Variants in MDGA2 observed in about 807,000 individuals in gnomAD.
MDGA2 encodes MAM domain-containing glycosylphosphatidylinositol anchor protein 2.
In MDGA2, 40 loss-of-function variants were observed where a neutral mutation model predicts 117.8. That is an observed-to-expected ratio of 0.34 (90% CI 0.26 to 0.44). MDGA2 has a LOEUF of 0.44. Among genes scored for constraint, MDGA2 ranks in the 20% least tolerant of loss-of-function variants. MDGA2 has a pLI of 1.00. For synonymous variants in MDGA2, 452 were observed against 439.0 expected, an observed-to-expected ratio of 1.03 and a Z score of -0.37; for missense variants, 1,123 against 1,250.6, an observed-to-expected ratio of 0.90 and a Z score of 1.54.
intron 1 of MDGA2, among the ~76,000 whole-genome samples, chr14:47,546,127 CAGA>C (rs1895458206): frequency 6.6e-6 from 1 of 152,020 alleles, no homozygotes; most frequent in Non-Finnish European, 1.5e-5. Context: ...TATGATAATT[CAGA>C]AGAAGAGAAG....
At chr14:46,976,789 A>C (rs899992386) in intron 8 of MDGA2, among the ~76,000 whole-genome samples, 1 of 151,842 alleles carries the variant, frequency 6.6e-6, no homozygotes, top group Non-Finnish European at 1.5e-5. Context: ...ATTCTTCTAG[A>C]ATTGAGTCTT....
At chr14:47,453,984 T>C (rs1893293390) in intron 1 of MDGA2, among the ~76,000 whole-genome samples, 2 of 152,144 alleles carry the variant, frequency 1.3e-5, no homozygotes, top group Non-Finnish European at 2.9e-5. Flanking sequence ...TAGATGAACA[T>C]GTTAAAAGAT....
At position 46,884,785 on chromosome 14, in the gene MDGA2, A is replaced by G. The variant is rs188571058; in HGVS notation, c.2239-2564T>C. 3.9e-5 allele frequency among the ~76,000 whole-genome samples: 6 copies of G among 152,238 alleles called. No individual in the cohort carries two copies. The highest frequency in any genetic ancestry group is 9.6e-5 in the African/African-American group (4 of 41,560). On this transcript the variant is annotated intron_variant, in intron 10 of 16. Coordinates refer to ENST00000399232, the MANE Select transcript of MDGA2 (RefSeq NM_001113498.3). This position sits in a 1 kb window ranked among gnomAD's most constrained non-coding sequence, Gnocchi z 4.1. ...TAAACAATTAAATTTAAAACATACA[A>G]TTTAAATCAGTTAGGAAAAATACAG...
chr14:47,347,113 A>C (rs1290695025), intron 1 of MDGA2, among the ~76,000 whole-genome samples: 1 of 152,218 alleles, frequency 6.6e-6, no homozygotes, highest in Non-Finnish European at 1.5e-5. Context: ...AGACGTAAGT[A>C]GGGGACCAAC....
chr14:47,345,042 A>C (rs1418711082), intron 1 of MDGA2, among the ~76,000 whole-genome samples: 2 of 152,178 alleles, frequency 1.3e-5, no homozygotes, highest in African/African-American at 4.8e-5. Flanking sequence ...AATGAAAATG[A>C]AAAATAAATG....
rs767529726 is a variant in MDGA2, at chr14:46,884,539, A to G, written c.2239-2318T>C. Among the ~76,000 whole-genome samples, 1 of 152,206 alleles carries G rather than the reference A, an allele frequency of 6.6e-6. No homozygotes were observed. Among genetic ancestry groups the G allele is most frequent in the Non-Finnish European group, 1.5e-5 (1 of 68,030 alleles). On this transcript the variant is annotated intron_variant, in intron 10 of 16. Coordinates refer to ENST00000399232, the MANE Select transcript of MDGA2 (RefSeq NM_001113498.3). This position sits in a 1 kb window ranked among gnomAD's most constrained non-coding sequence, Gnocchi z 4.1. ...TCCTAATTATACAGTCTTGACTGCT[A>G]CATTTCTGGAAATAAAAACTACAAT...
At chr14:46,963,805 C>T (rs1223462959) in intron 8 of MDGA2, among the ~76,000 whole-genome samples, 1 of 152,184 alleles carries the variant, frequency 6.6e-6, no homozygotes, top group African/African-American at 2.4e-5. Flanking sequence ...ATTCTCCAAT[C>T]ATTGTTGCAT....
At chr14:46,904,099 C>T (rs1883395889) in intron 10 of MDGA2, among the ~76,000 whole-genome samples, 1 of 152,120 alleles carries the variant, frequency 6.6e-6, no homozygotes, top group Non-Finnish European at 1.5e-5. Flanking sequence ...CATGGTGGCT[C>T]ATGCCTGTAA....
At chr14:46,979,590 C>T (rs757131596) in intron 8 of MDGA2, among the ~76,000 whole-genome samples, 6 of 152,064 alleles carry the variant, frequency 3.9e-5, no homozygotes, top group Non-Finnish European at 5.9e-5. Context: ...AAAGGCAAAG[C>T]AACTTTATTG....
intron 16 of MDGA2, among the ~76,000 whole-genome samples, chr14:46,843,907 C>CA (rs1265849374): frequency 6.6e-6 from 1 of 152,060 alleles, no homozygotes; most frequent in Non-Finnish European, 1.5e-5. Flanking sequence ...TATATGACCA[C>CA]AAAATAAAAG....
At chr14:47,674,416 G>T in intron 1 of MDGA2, 101 bp downstream of exon 1, 2 of 991,344 alleles carry the variant, frequency 2.0e-6, no homozygotes, top group Non-Finnish European at 3.0e-6. Context: ...CAAATGCCAC[G>T]CCGGGAGGGG....
rs147973173 is a variant in MDGA2 at position 47,492,288 on chromosome 14, A to G, written c.280+182229T>C. 5.9e-3 allele frequency among the ~76,000 whole-genome samples: 902 copies of G among 152,248 alleles called. 2 individuals are homozygous for G. Among genetic ancestry groups the G allele is most frequent in the Non-Finnish European group, 9.6e-3 (651 of 67,996 alleles). ...TTGGTGTCAACAACTAACACAATGG[A>G]CATAAACAGAAGGTGGAGATGATAT... On this transcript the variant is annotated intron_variant, in intron 1 of 16. Coordinates refer to ENST00000399232, the MANE Select transcript of MDGA2 (RefSeq NM_001113498.3).
rs182847583 is a variant in MDGA2, at chr14:47,400,071, A to G, written c.281-98521T>C. On this transcript the variant is annotated intron_variant, in intron 1 of 16. Transcript: ENST00000399232. ...TGTTCTGGTAAAAATAACCTTGTTG[A>G]CAGAGCAATCATAAACAGAAAAAAA... 2.2e-3 allele frequency among the ~76,000 whole-genome samples: 332 copies of G among 152,308 alleles called. 4 individuals carry two copies. Among genetic ancestry groups the G allele is most frequent in the Non-Finnish European group, 4.4e-4 (30 of 68,020 alleles).
intron 1 of MDGA2, among the ~76,000 whole-genome samples, chr14:47,627,842 A>C (rs1897177296): frequency 6.6e-6 from 1 of 152,182 alleles, no homozygotes; most frequent in Admixed American, 6.5e-5. Flanking sequence ...CTCACTGTGA[A>C]GGTCTGCAGT....
rs1881228146 is a variant in MDGA2, at chr14:46,855,339, C to T, written c.2753-185G>A. ...ATTTGACATTTGATCCAAAAGTAAC[C>T]ATCTCCTAATTCCCTAGAACATGTG... On this transcript the variant is annotated intron_variant, in intron 14 of 16. Coordinates refer to ENST00000399232, the MANE Select transcript of MDGA2 (RefSeq NM_001113498.3). The surrounding 1 kb of genome is among the most constrained non-coding windows in gnomAD (Gnocchi z 4.1). 6.6e-6 allele frequency among the ~76,000 whole-genome samples: 1 copy of T among 152,064 alleles called. No homozygotes were observed. The highest frequency in any genetic ancestry group is 2.4e-5 in the African/African-American group (1 of 41,430).
At chr14:47,273,438 T>C (rs1239993443) in intron 2 of MDGA2, among the ~76,000 whole-genome samples, 1 of 152,178 alleles carries the variant, frequency 6.6e-6, no homozygotes, top group Non-Finnish European at 1.5e-5. Context: ...AAAAGCTTAA[T>C]GGTGCTTTAA....
chr14:47,177,447 G>T (rs868790567), intron 3 of MDGA2, among the ~76,000 whole-genome samples: 1,750 of 152,136 alleles, frequency 0.012, 31 homozygotes, highest in African/African-American at 0.035. Flanking sequence ...GTGGCACATA[G>T]ACACCATGGA....
intron 7 of MDGA2, among the ~76,000 whole-genome samples, chr14:47,048,735 A>C (rs1404596046): frequency 6.6e-6 from 1 of 152,118 alleles, no homozygotes; most frequent in Non-Finnish European, 1.5e-5. Flanking sequence ...TCAGGGTCAC[A>C]TGTTCTTTAG....
chr14:47,639,670 G>GTATACTGT (rs1418378320), intron 1 of MDGA2, among the ~76,000 whole-genome samples: 1 of 151,872 alleles, frequency 6.6e-6, no homozygotes, highest in Non-Finnish European at 1.5e-5. Context: ...ATTTCATATT[G>GTATACTGT]TATACTGTTC....
Sources: gnomAD v4.1 joint callset for allele counts (sites outside exome capture counted in the v4.1 genomes callset) on GRCh38, gnomAD v4.1.1 for gene constraint, Gnocchi (gnomAD v3.1) non-coding constraint, MANE v1.5 for transcripts, NCBI Gene and HGNC (gene_info 2026-07-23, HGNC 2026-07-21) for gene names.